TBC1D1: variants seen among roughly 807,000 people sequenced by gnomAD.
TBC1D1 encodes the protein TBC1 (tre-2/USP6, BUB2, cdc16) domain family, member 1.
A neutral mutation model predicts 125.6 loss-of-function variants in TBC1D1; 89 were observed. That is an observed-to-expected ratio of 0.71 (90% CI 0.60 to 0.85). TBC1D1 has a LOEUF of 0.85. Among genes scored for constraint, TBC1D1 ranks in the 40% least tolerant of loss-of-function variants. TBC1D1 has a pLI of 0.00. For missense variants in TBC1D1, 1,377 were observed against 1,469.2 expected, an observed-to-expected ratio of 0.94 and a Z score of 1.03; for synonymous variants, 565 against 564.1, an observed-to-expected ratio of 1.00 and a Z score of -0.02.
At chr4:38,046,134 C>T (rs1433148494) in intron 10 of TBC1D1, among the ~76,000 whole-genome samples, 2 of 152,068 alleles carry the variant, frequency 1.3e-5, no homozygotes, top group Non-Finnish European at 2.9e-5. Context: ...GAGAGGCGGA[C>T]GCGGGCGGAT....
intron 8 of TBC1D1, among the ~76,000 whole-genome samples, chr4:38,036,932 G>A (rs138248173): frequency 2.6e-5 from 4 of 152,230 alleles, no homozygotes; most frequent in African/African-American, 9.6e-5. Flanking sequence ...GTTGGTCTAA[G>A]TTTTCAGTTA....
intron 15 of TBC1D1, among the ~76,000 whole-genome samples, chr4:38,104,055 G>A (rs1256329358): frequency 6.6e-6 from 1 of 151,110 alleles, no homozygotes; most frequent in African/African-American, 2.4e-5. Context: ...AGCTACGCAG[G>A]AGGCCGAGGC....
intron 2 of TBC1D1, among the ~76,000 whole-genome samples, chr4:37,915,359 C>G (rs1343597000): frequency 1.3e-5 from 2 of 152,126 alleles, no homozygotes; most frequent in African/African-American, 4.8e-5. Context: ...GCTGGATACC[C>G]AGGTAAGCCA....
chr4:37,940,440 A>G (rs946680329), intron 2 of TBC1D1, among the ~76,000 whole-genome samples: 1 of 152,216 alleles, frequency 6.6e-6, no homozygotes, highest in South Asian at 2.1e-4. Context: ...CGATGGGGTT[A>G]TCTAGATATA....
In TBC1D1 at chr4:38,035,599, G is replaced by A. The variant is rs753826900; in HGVS notation, c.1314G>A (p.Pro438=). The change falls in exon 8 of 20, where the codon CCG becomes CCA. Residue 438 remains proline, a synonymous_variant. Coordinates refer to ENST00000261439, the MANE Select transcript of TBC1D1 (RefSeq NM_015173.4). ...TTTTTGTTTTAAAGAAATTGAGACC[G>A]AGAAATGAGCAGCGAGAGAATGAAT... 6 of 1,612,650 alleles carry A rather than the reference G, an allele frequency of 3.7e-6. No homozygotes were observed. In the East Asian group the frequency reaches 6.7e-5, roughly 18 times the overall value.
At chr4:37,968,132 A>G (rs1264359079) in intron 2 of TBC1D1, among the ~76,000 whole-genome samples, 1 of 152,234 alleles carries the variant, frequency 6.6e-6, no homozygotes, top group Non-Finnish European at 1.5e-5. Context: ...TTGAAATATC[A>G]CAGCATTTTA....
chr4:38,050,625 T>C lies in TBC1D1; in HGVS notation c.1910+727T>C, dbSNP rs146586551. Among the ~76,000 whole-genome samples the C allele has an allele frequency of 5.0e-4, 76 of 152,342 alleles. 2 individuals are homozygous for C. The highest frequency in any genetic ancestry group is 1.7e-3 in the African/African-American group (70 of 41,576). On this transcript the variant is annotated intron_variant, in intron 11 of 19. Coordinates refer to ENST00000261439, the MANE Select transcript of TBC1D1 (RefSeq NM_015173.4). Reference sequence around the variant, plus strand: ...ACACAGTTATCTTTAAAAACAACTTTAAACAATTTTAAAAATCTCTCACCT... The same window carrying C: ...ACACAGTTATCTTTAAAAACAACTTCAAACAATTTTAAAAATCTCTCACCT...
At chr4:38,052,467 G>A (rs868503330) in intron 11 of TBC1D1, among the ~76,000 whole-genome samples, 31 of 151,540 alleles carry the variant, frequency 2.0e-4, no homozygotes, top group Middle Eastern at 6.8e-3. Flanking sequence ...GAGTAGCTGG[G>A]ACTACAGGCA....
intron 2 of TBC1D1, among the ~76,000 whole-genome samples, chr4:37,913,660 T>C (rs1719100751): frequency 6.6e-6 from 1 of 151,730 alleles, no homozygotes; most frequent in African/African-American, 2.4e-5. Flanking sequence ...TGTGTATATA[T>C]ATATATAGGG....
chr4:37,972,961 G>A (rs1732363694), intron 2 of TBC1D1, among the ~76,000 whole-genome samples: 1 of 151,598 alleles, frequency 6.6e-6, no homozygotes, highest in African/African-American at 2.4e-5. Context: ...ATTTTCTGAT[G>A]TTAAGTTTCC....
intron 2 of TBC1D1, among the ~76,000 whole-genome samples, chr4:37,928,536 T>G (rs1722589604): frequency 6.6e-6 from 1 of 152,220 alleles, no homozygotes; most frequent in Non-Finnish European, 1.5e-5. Context: ...ACTGCTCTGT[T>G]TTGCTTCTTG....
At chr4:37,924,693 G>A (rs1721702258) in intron 2 of TBC1D1, among the ~76,000 whole-genome samples, 1 of 152,180 alleles carries the variant, frequency 6.6e-6, no homozygotes, top group African/African-American at 2.4e-5. Context: ...TGTTTTAGCA[G>A]TATCAGAATT....
chr4:38,030,439 G>GC (rs1393865563), intron 7 of TBC1D1: 3 of 152,228 alleles, frequency 2.0e-5, no homozygotes, highest in Non-Finnish European at 4.4e-5. Context: ...GCCGGCTCTC[G>GC]CCTTGTCTTC....
At chr4:38,048,900 GCACT>G (rs779790437) in intron 10 of TBC1D1, among the ~76,000 whole-genome samples, 28 of 152,200 alleles carry the variant, frequency 1.8e-4, no homozygotes, top group African/African-American at 4.3e-4. Flanking sequence ...AAATGTTTGA[GCACT>G]CACTCCATAG....
At chr4:38,107,779 A>G (rs1310146814) in intron 15 of TBC1D1, among the ~76,000 whole-genome samples, 1 of 152,032 alleles carries the variant, frequency 6.6e-6, no homozygotes, top group Non-Finnish European at 1.5e-5. Context: ...TAAGAGCTTG[A>G]GTTCTCTGCC....
chr4:37,978,305 C>T (rs1049671065), intron 2 of TBC1D1, among the ~76,000 whole-genome samples: 4 of 152,216 alleles, frequency 2.6e-5, no homozygotes, highest in Non-Finnish European at 5.9e-5. Flanking sequence ...CGACCCTCGC[C>T]ACCTTGAAAG....
intron 17 of TBC1D1, among the ~76,000 whole-genome samples, chr4:38,120,337 C>T (rs138845027): frequency 1.1e-4 from 17 of 152,276 alleles, no homozygotes; most frequent in African/African-American, 3.4e-4. Context: ...CTTTTTTTTC[C>T]ACAGTCCATC....
intron 2 of TBC1D1, among the ~76,000 whole-genome samples, chr4:37,978,335 A>G (rs1184071260): frequency 2.0e-5 from 3 of 152,196 alleles, no homozygotes; most frequent in Non-Finnish European, 4.4e-5. Context: ...TCGTTAGGGC[A>G]TCTTGCTGTC....
intron 7 of TBC1D1, among the ~76,000 whole-genome samples, chr4:38,034,902 T>C (rs1419365102): frequency 6.6e-6 from 1 of 151,790 alleles, no homozygotes; most frequent in East Asian, 1.9e-4. Context: ...GAGGAGACCA[T>C]AGAGTTTCCT....
Sources: gnomAD v4.1 joint callset for allele counts (sites outside exome capture counted in the v4.1 genomes callset) on GRCh38, gnomAD v4.1.1 for gene constraint, MANE v1.5 for transcripts, NCBI Gene and HGNC (gene_info 2026-07-23, HGNC 2026-07-21) for gene names.